PHACTR3: variants seen among roughly 807,000 people sequenced by gnomAD.
The protein encoded by PHACTR3 is protein phosphatase 1, regulatory subunit 123.
Under a neutral mutation model 66.8 loss-of-function variants are expected in PHACTR3, and 16 were observed. The observed-to-expected ratio is 0.24, with a 90% CI of 0.16 to 0.36. PHACTR3 has a LOEUF of 0.36. PHACTR3 is among the 10% of genes least tolerant of loss of function. PHACTR3 has a pLI of 1.00. For missense variants in PHACTR3, 647 were observed against 719.9 expected (o/e 0.90, Z 1.16); for synonymous variants, 323 against 292.1 (o/e 1.11, Z -1.08).
intron 1 of PHACTR3, among the ~76,000 whole-genome samples, chr20:59,739,788 C>T (rs1298502412): frequency 6.6e-6 from 1 of 152,000 alleles, no homozygotes; most frequent in Non-Finnish European, 1.5e-5. Context: ...TGCCCCAACC[C>T]ACCTAGGGTG....
chr20:59,755,433 G>C (rs2039752200), intron 4 of PHACTR3, 69 bp downstream of exon 4: 1 of 1,519,764 alleles, frequency 6.6e-7, no homozygotes, highest in Non-Finnish European at 8.9e-7. Flanking sequence ...TGTTGTCCTT[G>C]GCTATAGCTT....
chr20:59,751,281 G>C (rs1382523117), intron 3 of PHACTR3, among the ~76,000 whole-genome samples: 3 of 152,154 alleles, frequency 2.0e-5, no homozygotes, highest in Non-Finnish European at 4.4e-5. Flanking sequence ...GCGCCCTCCT[G>C]TGGCCGGCCA....
At chr20:59,632,344 C>G (rs1209208374) in intron 1 of PHACTR3, among the ~76,000 whole-genome samples, 1 of 152,184 alleles carries the variant, frequency 6.6e-6, no homozygotes, top group Non-Finnish European at 1.5e-5. Flanking sequence ...ACAGTCTCTG[C>G]CCCTGGTAAT....
chr20:59,721,676 A>G (rs2038306914), intron 1 of PHACTR3, among the ~76,000 whole-genome samples: 1 of 152,160 alleles, frequency 6.6e-6, no homozygotes, highest in African/African-American at 2.4e-5. Flanking sequence ...AAGGGTGATG[A>G]GTCGGGAGGC....
chr20:59,598,574 C>T (rs1284965605), intron 1 of PHACTR3, among the ~76,000 whole-genome samples: 2 of 152,174 alleles, frequency 1.3e-5, no homozygotes, highest in African/African-American at 4.8e-5. Flanking sequence ...CAGTGCCTTT[C>T]AGGGCAGAGG....
At chr20:59,765,951 C>T (rs913117750) in intron 4 of PHACTR3, among the ~76,000 whole-genome samples, 2 of 152,210 alleles carry the variant, frequency 1.3e-5, no homozygotes, top group Non-Finnish European at 2.9e-5. Context: ...TGCCAGGTGC[C>T]TTCCACAGGC....
rs2040265907 is a variant in PHACTR3 at position 59,768,738 on chromosome 20, G to A, written c.751+1343G>A. Reference sequence around the variant, plus strand: ...CCTTACTGCCCCTTATGGGGTGAATGTTCAATCTGGAGGGGACTCTTGGGT... The same window carrying A: ...CCTTACTGCCCCTTATGGGGTGAATATTCAATCTGGAGGGGACTCTTGGGT... On this transcript the variant is annotated intron_variant, in intron 5 of 12. Coordinates refer to ENST00000371015, the MANE Select transcript of PHACTR3 (RefSeq NM_080672.5). Among the ~76,000 whole-genome samples, 2 of 152,252 alleles carry A rather than the reference G, an allele frequency of 1.3e-5. 1 individual carries two copies. The highest frequency in any genetic ancestry group is 4.1e-4 in the South Asian group (2 of 4,836).
chr20:59,743,150 C>T lies in PHACTR3; in HGVS notation c.162C>T (p.Val54=). 1 of 1,614,072 alleles carries T rather than the reference C, an allele frequency of 6.2e-7. No homozygotes were observed. Reference sequence around the variant, plus strand: ...CCCCGGCGCGTCCTGAATATCTGGTCTCAGGGATTCGAACTCCCCCTGTGA... The same window carrying T: ...CCCCGGCGCGTCCTGAATATCTGGTTTCAGGGATTCGAACTCCCCCTGTGA... The part of the protein sequence containing the change: ...QTPPARPEYL[V]SGIRTPPVRR... The change falls in exon 2 of 13, where the codon GTC becomes GTT. Residue 54 remains valine, a synonymous_variant. Coordinates refer to ENST00000371015, the MANE Select transcript of PHACTR3 (RefSeq NM_080672.5).
At chr20:59,646,076 C>A (rs6027016) in intron 1 of PHACTR3, among the ~76,000 whole-genome samples, 1 of 152,158 alleles carries the variant, frequency 6.6e-6, no homozygotes, top group East Asian at 1.9e-4. Flanking sequence ...CCAGCCCCTG[C>A]GATTCTGAGG....
chr20:59,778,254 A>ACCTCTTGCTCAAATC (rs2040602756), intron 7 of PHACTR3, among the ~76,000 whole-genome samples: 1 of 151,970 alleles, frequency 6.6e-6, no homozygotes, highest in South Asian at 2.1e-4. Context: ...GGATAATGTC[A>ACCTCTTGCTCAAATC]CCTCTTGCTC....
intron 1 of PHACTR3, among the ~76,000 whole-genome samples, chr20:59,692,913 A>G (rs759572619): frequency 3.3e-5 from 5 of 152,254 alleles, no homozygotes; most frequent in Admixed American, 6.5e-5. Flanking sequence ...TAAGTACTCA[A>G]TGAAAAAAGG....
At chr20:59,704,981 G>A (rs1464754644) in intron 1 of PHACTR3, among the ~76,000 whole-genome samples, 2 of 146,614 alleles carry the variant, frequency 1.4e-5, no homozygotes, top group South Asian at 2.1e-4. Context: ...TTTTGAGACA[G>A]GGTCTCACTC....
chr20:59,821,943 G>A (rs529955101), intron 8 of PHACTR3, among the ~76,000 whole-genome samples: 1 of 143,404 alleles, frequency 7.0e-6, no homozygotes, highest in Non-Finnish European at 1.5e-5. Flanking sequence ...GACAAACACA[G>A]CTACCCCCTC....
intron 7 of PHACTR3, among the ~76,000 whole-genome samples, chr20:59,790,919 G>A (rs1372478178): frequency 6.6e-6 from 1 of 152,194 alleles, no homozygotes; most frequent in Non-Finnish European, 1.5e-5. Context: ...AGAGAACATA[G>A]TTCTTTGAGC....
At chr20:59,793,708 T>C (rs2041169740) in intron 7 of PHACTR3, among the ~76,000 whole-genome samples, 1 of 152,198 alleles carries the variant, frequency 6.6e-6, no homozygotes, top group African/African-American at 2.4e-5. Context: ...TAGAAGTTCA[T>C]GTCATCTGCA....
intron 1 of PHACTR3, among the ~76,000 whole-genome samples, chr20:59,695,506 T>C (rs1451144534): frequency 6.6e-6 from 1 of 152,236 alleles, no homozygotes; most frequent in Non-Finnish European, 1.5e-5. Context: ...TAAACCTTTT[T>C]TCTTTATAAA....
chr20:59,767,367 A>G lies in PHACTR3; in HGVS notation c.723A>G (p.Ala241=). The change falls in exon 5 of 13, where the codon GCA becomes GCG. Residue 241 remains alanine (A), a synonymous_variant. Transcript: ENST00000371015. ...PPLLPTPPPK[A]SSKTTKNVTG... is the part of the protein sequence containing the mutation. ...TGCTGCCCACTCCGCCACCCAAGGCAAGCTCCAAAACCACAAAAAATGTCA... is the reference window on the plus strand; with the variant it reads ...TGCTGCCCACTCCGCCACCCAAGGCGAGCTCCAAAACCACAAAAAATGTCA... 6.2e-7 allele frequency: 1 copy of G among 1,613,950 alleles called. No homozygotes were observed. Among genetic ancestry groups the G allele is most frequent in the Non-Finnish European group, 8.5e-7 (1 of 1,180,012 alleles).
intron 1 of PHACTR3, among the ~76,000 whole-genome samples, chr20:59,611,287 A>T (rs2033836003): frequency 6.6e-6 from 1 of 152,272 alleles, no homozygotes; most frequent in Admixed American, 6.5e-5. Flanking sequence ...ACACCTCCCC[A>T]AACATTCTCC....
chr20:59,819,117 G>A (rs970506615), intron 8 of PHACTR3, among the ~76,000 whole-genome samples: 6 of 152,118 alleles, frequency 3.9e-5, no homozygotes, highest in African/African-American at 1.4e-4. Flanking sequence ...TCTTGAGAAT[G>A]GTGGGGGCTG....
Sources: allele counts gnomAD v4.1 joint callset (sites outside exome capture counted in the v4.1 genomes callset), GRCh38; gene constraint gnomAD v4.1.1; transcripts MANE v1.5; gene names NCBI Gene and HGNC (gene_info 2026-07-23, HGNC 2026-07-21).